IGF2R: variants seen among roughly 807,000 people sequenced by gnomAD.
IGF2R encodes cation-independent mannose-6-phosphate receptor.
Under a neutral mutation model 270.6 loss-of-function variants are expected in IGF2R, and 91 were observed. The observed-to-expected ratio is 0.34, with a 90% CI of 0.28 to 0.40. IGF2R has a LOEUF of 0.40. Among genes scored for constraint, IGF2R ranks in the 10% least tolerant of loss-of-function variants. The pLI is 1.00. For missense variants in IGF2R, 2,805 were observed against 3,188.3 expected (o/e 0.88, Z 2.90); for synonymous variants, 1,316 against 1,258.9 (o/e 1.05, Z -0.96).
chr6:160,001,170 C>G (rs1328852083), intron 2 of IGF2R, among the ~76,000 whole-genome samples: 1 of 152,132 alleles, frequency 6.6e-6, no homozygotes, highest in East Asian at 1.9e-4. Context: ...GAAGCTTCGT[C>G]TGTATTTACA....
chr6:160,061,632 T>C lies in IGF2R; in HGVS notation c.3392T>C (p.Ile1131Thr). ...YLSVCNPLPYIPGCQGSAVGS... is the reference protein window; with the variant it reads ...YLSVCNPLPYTPGCQGSAVGS... ...AGCGTTTGCAATCCTCTCCCTTACATTCCTGGATGCCAGGGTGAGTTCTCC... is the reference window on the plus strand; with the variant it reads ...AGCGTTTGCAATCCTCTCCCTTACACTCCTGGATGCCAGGGTGAGTTCTCC... Residue 1131 changes from isoleucine (I) to threonine (T), a missense_variant, in exon 24 of 48, where the codon ATT (isoleucine) becomes ACT (threonine). Physicochemically the swap from Ile to Thr is moderately conservative, Grantham distance 89. This residue lies in a region of IGF2R where 1,851 missense variants were observed against 2,207.2 expected (regional missense o/e 0.84). Coordinates refer to ENST00000356956, the MANE Select transcript of IGF2R (RefSeq NM_000876.4). 1 of 1,614,156 alleles carries C rather than the reference T, an allele frequency of 6.2e-7. No individual in the cohort carries two copies.
chr6:159,999,873 A>G (rs148187158), intron 2 of IGF2R, among the ~76,000 whole-genome samples: 4 of 152,370 alleles, frequency 2.6e-5, no homozygotes, highest in Non-Finnish European at 1.5e-5. Context: ...GATATAATCT[A>G]GAAGAGCCTT....
chr6:160,107,137 C>T lies in IGF2R; in HGVS notation c.*2053C>T, dbSNP rs1310100782. 1 of 152,186 alleles carries T rather than the reference C, an allele frequency of 6.6e-6. No individual in the cohort carries two copies. Among genetic ancestry groups the T allele is most frequent in the Non-Finnish European group, 1.5e-5 (1 of 68,038 alleles). 9.4% of individuals were successfully genotyped at this position (152,186 alleles called of 1,614,324 possible). A position where few individuals can be genotyped will look rare whatever the true frequency, so the allele number is the denominator to read the frequency against. ...AGTTATTCTTAAGGACTTTCCAATACCTCTCCTGAGGAAGACATGTCAGGT... is the reference window on the plus strand; with the variant it reads ...AGTTATTCTTAAGGACTTTCCAATATCTCTCCTGAGGAAGACATGTCAGGT... On this transcript the variant is annotated 3_prime_UTR_variant, in exon 48 of 48. Coordinates refer to ENST00000356956, the MANE Select transcript of IGF2R (RefSeq NM_000876.4).
At chr6:160,014,623 T>C (rs1420023626) in intron 4 of IGF2R, among the ~76,000 whole-genome samples, 1 of 152,250 alleles carries the variant, frequency 6.6e-6, no homozygotes, top group Non-Finnish European at 1.5e-5. Flanking sequence ...CCATATGCCA[T>C]CTTGCTCCCT....
chr6:160,032,235 G>A (rs573561489), intron 7 of IGF2R, among the ~76,000 whole-genome samples: 1 of 152,322 alleles, frequency 6.6e-6, no homozygotes, highest in East Asian at 1.9e-4. Context: ...GAGTCCAGGT[G>A]CTTGCTGGCC....
At chr6:160,029,729 C>G in intron 7 of IGF2R, 74 bp downstream of exon 7, 1 of 1,049,274 alleles carries the variant, frequency 9.5e-7, no homozygotes. Context: ...CGTTTCTGGG[C>G]TTGGGGCAGG....
intron 44 of IGF2R, among the ~76,000 whole-genome samples, chr6:160,090,539 C>A (rs953012321): frequency 7.2e-5 from 11 of 152,160 alleles, no homozygotes; most frequent in African/African-American, 2.4e-4. Context: ...AGGTTAAAAT[C>A]AACCAGGACG....
chr6:160,052,533 C>T (rs1363937232), intron 19 of IGF2R, among the ~76,000 whole-genome samples: 1 of 152,106 alleles, frequency 6.6e-6, no homozygotes, highest in Non-Finnish European at 1.5e-5. Flanking sequence ...GATTCAATAC[C>T]ATCCCCATCA....
At chr6:159,997,441 G>A (rs1324458843) in intron 2 of IGF2R, among the ~76,000 whole-genome samples, 1 of 152,100 alleles carries the variant, frequency 6.6e-6, no homozygotes, top group Non-Finnish European at 1.5e-5. Flanking sequence ...GAGCAACCTG[G>A]CATAAGTGGT....
chr6:159,982,524 T>A (rs3798202), intron 1 of IGF2R, among the ~76,000 whole-genome samples: 27,141 of 152,200 alleles, frequency 0.18, 2,905 homozygotes, highest in East Asian at 0.46. Flanking sequence ...TATCTTGTTA[T>A]GTGAATTTCA....
chr6:160,021,634 A>T (rs1011450428), intron 4 of IGF2R, among the ~76,000 whole-genome samples: 29 of 151,912 alleles, frequency 1.9e-4, no homozygotes, highest in African/African-American at 6.3e-4. Context: ...AAAAAAAAAT[A>T]AACTGCATAT....
intron 10 of IGF2R, among the ~76,000 whole-genome samples, chr6:160,038,632 G>T (rs1777876154): frequency 6.6e-6 from 1 of 152,178 alleles, no homozygotes. Flanking sequence ...TTGTGGGCGG[G>T]ATGAAGAGAG....
At chr6:159,976,864 G>A (rs1485759608) in intron 1 of IGF2R, among the ~76,000 whole-genome samples, 1 of 152,072 alleles carries the variant, frequency 6.6e-6, no homozygotes, top group Non-Finnish European at 1.5e-5. Flanking sequence ...AAGTTGGGAG[G>A]GTATTATGTG....
At chr6:160,064,727 T>A in intron 28 of IGF2R, 77 bp from the exon 29 acceptor site, 1 of 1,193,184 alleles carries the variant, frequency 8.4e-7, no homozygotes, top group Admixed American at 1.8e-5. Context: ...TCTTTACTAT[T>A]TTCATTCTTA....
intron 4 of IGF2R, among the ~76,000 whole-genome samples, chr6:160,011,142 A>G (rs1784327085): frequency 1.3e-5 from 2 of 152,152 alleles, no homozygotes; most frequent in Admixed American, 6.5e-5. Flanking sequence ...TCTGTTTCTG[A>G]CGCTGCCTGC....
At chr6:160,086,779 A>C (rs1263340063) in intron 41 of IGF2R, among the ~76,000 whole-genome samples, 1 of 152,236 alleles carries the variant, frequency 6.6e-6, no homozygotes, top group Non-Finnish European at 1.5e-5. Flanking sequence ...ACCATCCAGC[A>C]GCCCTCAGTA....
intron 5 of IGF2R, among the ~76,000 whole-genome samples, chr6:160,026,889 A>G (rs953984872): frequency 6.6e-6 from 1 of 152,010 alleles, no homozygotes; most frequent in Non-Finnish European, 1.5e-5. Flanking sequence ...TTGAAAGGGG[A>G]TAGTGCTAAT....
intron 39 of IGF2R, among the ~76,000 whole-genome samples, chr6:160,083,749 C>T (rs1439375933): frequency 1.3e-5 from 2 of 152,220 alleles, no homozygotes; most frequent in Non-Finnish European, 2.9e-5. Flanking sequence ...TAATTTTATA[C>T]AACACATATT....
chr6:160,052,889 G>A (rs1049651343), intron 19 of IGF2R, among the ~76,000 whole-genome samples: 9 of 152,174 alleles, frequency 5.9e-5, no homozygotes, highest in African/African-American at 2.2e-4. Flanking sequence ...TATGTAGAAA[G>A]CTGAAACTGG....
Sources: allele counts gnomAD v4.1 joint callset (sites outside exome capture counted in the v4.1 genomes callset), GRCh38; gene constraint gnomAD v4.1.1; regional missense constraint gnomAD v4.1.1; transcripts MANE v1.5; gene names NCBI Gene and HGNC (gene_info 2026-07-23, HGNC 2026-07-21).